CERS6: variants seen among roughly 807,000 people sequenced by gnomAD.
CERS6 encodes ceramide synthase 6, also known as LAG1 homolog, ceramide synthase 6.
A neutral mutation model predicts 56.8 loss-of-function variants in CERS6; 26 were observed. The observed-to-expected ratio is 0.46, with a 90% confidence interval of 0.34 to 0.63. The LOEUF is 0.63. Ranked by LOEUF, CERS6 falls within the 30% of genes least tolerant of loss-of-function variation. The pLI, the probability that CERS6 is intolerant of heterozygous loss-of-function variation, is 0.01. For missense variants in CERS6, 415 were observed against 467.5 expected, an observed-to-expected ratio of 0.89 and a Z score of 1.04; for synonymous variants, 164 against 173.3, an observed-to-expected ratio of 0.95 and a Z score of 0.42.
At chr2:168,498,659 C>G (rs1694519661) in intron 1 of CERS6, among the ~76,000 whole-genome samples, 1 of 152,178 alleles carries the variant, frequency 6.6e-6, no homozygotes, top group African/African-American at 2.4e-5. Context: ...AAAGATGAAG[C>G]AAAGGACACA....
intron 8 of CERS6, among the ~76,000 whole-genome samples, chr2:168,732,336 G>A (rs1223619819): frequency 6.6e-6 from 1 of 152,142 alleles, no homozygotes; most frequent in Non-Finnish European, 1.5e-5. Flanking sequence ...CCCTTTATGT[G>A]CTCAGTCCCT....
At chr2:168,635,398 G>A (rs1209687787) in intron 4 of CERS6, among the ~76,000 whole-genome samples, 1 of 152,154 alleles carries the variant, frequency 6.6e-6, no homozygotes, top group Non-Finnish European at 1.5e-5. Flanking sequence ...GGGTGGGTGT[G>A]GAGGCAGGGG....
intron 1 of CERS6, among the ~76,000 whole-genome samples, chr2:168,481,822 A>G (rs1483529906): frequency 2.0e-5 from 3 of 152,352 alleles, no homozygotes; most frequent in Non-Finnish European, 2.9e-5. Flanking sequence ...ATGAACATCT[A>G]TTATCCTCTT....
chr2:168,769,534 A>G lies in CERS6; in HGVS notation c.1027A>G (p.Ile343Val), dbSNP rs773331109. The G allele has an allele frequency of 2.5e-6, 4 of 1,604,908 alleles. No homozygotes were observed. Among genetic ancestry groups the G allele is most frequent in the Admixed American group, 1.7e-5 (1 of 57,390 alleles). Reference protein sequence around the residue: ...GKVSKDDRSDIESSSDEEDSE... With the variant: ...GKVSKDDRSDVESSSDEEDSE... ...GGTGTCCAAGGATGATCGAAGTGAT[A>G]TTGAGTCTAGCTCAGATGAGGAGGA... Residue 343 changes from isoleucine to valine, a missense_variant, in exon 10 of 10, where the codon ATT (isoleucine) becomes GTT (valine). By Grantham distance (29) the Ile-to-Val change is conservative (BLOSUM62 3). Coordinates refer to ENST00000305747, the MANE Select transcript of CERS6 (RefSeq NM_203463.3).
chr2:168,532,007 A>G (rs1486748343), intron 1 of CERS6, among the ~76,000 whole-genome samples: 1 of 152,178 alleles, frequency 6.6e-6, no homozygotes, highest in African/African-American at 2.4e-5. Context: ...TTCATTTTGT[A>G]AGCATAGTAA....
intron 3 of CERS6, among the ~76,000 whole-genome samples, chr2:168,615,704 C>T (rs531830959): frequency 6.6e-6 from 1 of 152,210 alleles, no homozygotes; most frequent in East Asian, 1.9e-4. Context: ...GCAAAGCCTC[C>T]CAGAAATCTG....
chr2:168,601,971 A>T (rs916006447), intron 3 of CERS6, among the ~76,000 whole-genome samples: 11 of 152,250 alleles, frequency 7.2e-5, no homozygotes, highest in African/African-American at 2.7e-4. Context: ...TAGAAAAGGA[A>T]GCACAGATGA....
intron 3 of CERS6, among the ~76,000 whole-genome samples, chr2:168,598,335 G>C (rs1013654650): frequency 6.6e-6 from 1 of 152,048 alleles, no homozygotes; most frequent in African/African-American, 2.4e-5. Flanking sequence ...CTCGTTTTTG[G>C]GGGGAAGAGA....
chr2:168,631,544 T>A (rs13024424), intron 4 of CERS6, among the ~76,000 whole-genome samples: 22,071 of 60,040 alleles, frequency 0.37, 5,148 homozygotes, highest in East Asian at 0.56. Context: ...ATTAAATATA[T>A]TATATTTTTA....
At chr2:168,727,179 C>T (rs1400640165) in intron 8 of CERS6, among the ~76,000 whole-genome samples, 1 of 152,086 alleles carries the variant, frequency 6.6e-6, no homozygotes, top group Non-Finnish European at 1.5e-5. Flanking sequence ...CAGAATGTTG[C>T]TTTCTGTTGC....
At chr2:168,756,960 C>T (rs907687524) in intron 8 of CERS6, among the ~76,000 whole-genome samples, 4 of 152,134 alleles carry the variant, frequency 2.6e-5, no homozygotes, top group African/African-American at 9.7e-5. Context: ...AGTTAACATA[C>T]AAAACCTAAG....
chr2:168,612,364 G>T (rs143968351), intron 3 of CERS6, among the ~76,000 whole-genome samples: 3 of 152,184 alleles, frequency 2.0e-5, no homozygotes, highest in Non-Finnish European at 2.9e-5. Context: ...AACATATGTT[G>T]TCTTAATGTT....
chr2:168,496,719 A>T (rs112145373), intron 1 of CERS6, among the ~76,000 whole-genome samples: 1,680 of 152,326 alleles, frequency 0.011, 11 homozygotes, highest in South Asian at 0.022. Context: ...TATGTTGCTC[A>T]TCTTGTTTCT....
chr2:168,766,838 A>C (rs910909262), intron 9 of CERS6, among the ~76,000 whole-genome samples: 3 of 152,244 alleles, frequency 2.0e-5, no homozygotes, highest in Non-Finnish European at 4.4e-5. Context: ...CCTGTTCTGC[A>C]GGGGAAGTCG....
intron 1 of CERS6, among the ~76,000 whole-genome samples, chr2:168,484,165 C>CTTTTT (rs1694229616): frequency 1.1e-4 from 5 of 46,382 alleles, no homozygotes; most frequent in Admixed American, 4.4e-4. Context: ...TTTCTTTTTT[C>CTTTTT]TGTTTTTTTT....
At chr2:168,702,167 G>A (rs923470777) in intron 6 of CERS6, among the ~76,000 whole-genome samples, 1 of 151,974 alleles carries the variant, frequency 6.6e-6, no homozygotes, top group African/African-American at 2.4e-5. Flanking sequence ...GATAATGGGG[G>A]GCCAACAGTA....
At chr2:168,648,058 C>G (rs116322406) in intron 4 of CERS6, among the ~76,000 whole-genome samples, 1 of 152,022 alleles carries the variant, frequency 6.6e-6, no homozygotes, top group Non-Finnish European at 1.5e-5. Context: ...TTCTCCTCCT[C>G]GATTTTTTGG....
In CERS6 at chr2:168,541,480, C is replaced by CTT. The variant is rs1011383399; in HGVS notation, c.171-6106_171-6105dup. Reference sequence around the variant, plus strand: ...CTGTTTATTTCTCCATTTTTTCTTTCTTTTTTTTTTTCAGATTGCATGGTT... The same window carrying CTT: ...CTGTTTATTTCTCCATTTTTTCTTTCTTTTTTTTTTTTTCAGATTGCATGGTT... On this transcript the variant is annotated intron_variant, in intron 1 of 9. Transcript: ENST00000305747. 1.8e-3 allele frequency among the ~76,000 whole-genome samples: 268 copies of CTT among 145,220 alleles called. No individual in the cohort carries two copies. The Middle Eastern group carries it at 0.019, about 10-fold the overall frequency.
chr2:168,559,694 C>T (rs1225479664), intron 2 of CERS6, among the ~76,000 whole-genome samples: 1 of 114,080 alleles, frequency 8.8e-6, no homozygotes, highest in African/African-American at 3.1e-5. Flanking sequence ...GTCCATAGCA[C>T]TGACCCCTTG....
Sources: gnomAD v4.1 joint callset for allele counts (sites outside exome capture counted in the v4.1 genomes callset) on GRCh38, gnomAD v4.1.1 for gene constraint, MANE v1.5 for transcripts, NCBI Gene and HGNC (gene_info 2026-07-23, HGNC 2026-07-21) for gene names.